Variants in MAST4 observed in about 807,000 individuals in gnomAD.
MAST4 encodes microtubule-associated serine/threonine-protein kinase 4.
MAST4 carries 89 observed loss-of-function variants against 162.7 expected under a neutral mutation model. That is an observed-to-expected ratio of 0.55 (90% CI 0.46 to 0.65). The LOEUF is 0.65. Ranked by LOEUF, MAST4 falls within the 30% of genes least tolerant of loss-of-function variation. The pLI is 0.00. For missense variants in MAST4, 3,153 were observed against 3,374.0 expected, an observed-to-expected ratio of 0.93 and a Z score of 1.62; for synonymous variants, 1,479 against 1,361.1, an observed-to-expected ratio of 1.09 and a Z score of -1.91.
chr5:66,932,316 T>G lies in MAST4; in HGVS notation c.674+32334T>G, dbSNP rs190884924. ...TGGCTTGTTTTATCTTCTAGTTTAC[T>G]TACTCAAACAGTAAATTCATAAGAT... is the stretch of plus-strand genomic sequence containing the variant. On this transcript the variant is annotated intron_variant, in intron 4 of 28. Coordinates refer to ENST00000403625, the MANE Select transcript of MAST4 (RefSeq NM_001164664.2). 7.2e-5 allele frequency among the ~76,000 whole-genome samples: 11 copies of G among 152,310 alleles called. No individual in the cohort carries two copies. In the East Asian group the frequency reaches 2.1e-3, roughly 29 times the overall value.
At chr5:66,910,741 C>CTTTGTTTTTTTTTTTTTTTTTTTTTTTT (rs1763690763) in intron 4 of MAST4, among the ~76,000 whole-genome samples, 4 of 20,102 alleles carry the variant, frequency 2.0e-4, no homozygotes, top group South Asian at 2.8e-3. Flanking sequence ...TTTTTTTTTT[C>CTTTGTTTTTTTTTTTTTTTTTTTTTTTT]TTTTTTTTTT....
chr5:67,144,631 T>C lies in MAST4; in HGVS notation c.2731-38T>C, dbSNP rs1225332225. On this transcript the variant is annotated intron_variant, in intron 21 of 28. Transcript: ENST00000403625. ...GAGTGTTTTTCTGACAAACTCTTTT[T>C]AGTAGATATTAATAAGCACCAATTA... The C allele has an allele frequency of 6.9e-6, 11 of 1,602,442 alleles. 1 individual carries two copies. In the Admixed American group the frequency reaches 1.0e-4, roughly 15 times the overall value.
intron 1 of MAST4, among the ~76,000 whole-genome samples, chr5:66,754,623 T>C (rs920405537): frequency 6.6e-6 from 1 of 152,234 alleles, no homozygotes; most frequent in Non-Finnish European, 1.5e-5. Flanking sequence ...TTACAGGTGC[T>C]TTTTATGTAG....
intron 25 of MAST4, 126 bp from the exon 26 acceptor site, chr5:67,153,332 C>A: frequency 3.2e-6 from 3 of 949,602 alleles, no homozygotes; most frequent in Non-Finnish European, 4.4e-6. Flanking sequence ...AGTAAACGTA[C>A]CTGTTAGATT....
At chr5:66,731,930 G>A (rs973093250) in intron 1 of MAST4, among the ~76,000 whole-genome samples, 1 of 151,962 alleles carries the variant, frequency 6.6e-6, no homozygotes, top group African/African-American at 2.4e-5. Context: ...CTGTGACTCT[G>A]TCCTCCTTCA....
At chr5:66,785,038 C>T (rs1169047902) in intron 2 of MAST4, among the ~76,000 whole-genome samples, 3 of 152,070 alleles carry the variant, frequency 2.0e-5, no homozygotes, top group African/African-American at 7.2e-5. Flanking sequence ...GAGATTGTGC[C>T]ATTGTACAAC....
intron 3 of MAST4, among the ~76,000 whole-genome samples, chr5:66,873,023 C>T (rs1288763539): frequency 2.0e-5 from 3 of 152,136 alleles, no homozygotes; most frequent in Admixed American, 6.5e-5. Flanking sequence ...TGGTGAGAGT[C>T]TTTTTGCTGT....
At chr5:66,905,596 G>A (rs1763305743) in intron 4 of MAST4, among the ~76,000 whole-genome samples, 2 of 152,154 alleles carry the variant, frequency 1.3e-5, no homozygotes, top group African/African-American at 4.8e-5. Flanking sequence ...CAATATGAGC[G>A]ACCAAGGCCT....
intron 1 of MAST4, among the ~76,000 whole-genome samples, chr5:66,733,163 A>G (rs1270982871): frequency 1.3e-5 from 2 of 152,174 alleles, no homozygotes; most frequent in South Asian, 2.1e-4. Context: ...TGCCTATGAA[A>G]TACAGGCATT....
chr5:66,693,074 C>A (rs1222012163), intron 1 of MAST4, among the ~76,000 whole-genome samples: 4 of 145,116 alleles, frequency 2.8e-5, no homozygotes, highest in African/African-American at 1.0e-4. Context: ...CAAAATTTTA[C>A]AAGATAGTTT....
chr5:67,138,480 C>T (rs1223688041), intron 19 of MAST4, among the ~76,000 whole-genome samples: 1 of 152,044 alleles, frequency 6.6e-6, no homozygotes, highest in Middle Eastern at 3.4e-3. Flanking sequence ...GTCACCCAGG[C>T]TGGAGTGCAG....
intron 3 of MAST4, among the ~76,000 whole-genome samples, chr5:66,811,772 A>G (rs990352141): frequency 6.6e-6 from 1 of 152,192 alleles, no homozygotes; most frequent in Non-Finnish European, 1.5e-5. Flanking sequence ...CTCTCAAACG[A>G]TGAAGGCATT....
chr5:66,723,578 G>T (rs111307924), intron 1 of MAST4, among the ~76,000 whole-genome samples: 1 of 152,034 alleles, frequency 6.6e-6, no homozygotes, highest in Non-Finnish European at 1.5e-5. Context: ...ATCACATATC[G>T]AGATGAGAAG....
chr5:66,709,517 A>C (rs529333801), intron 1 of MAST4, among the ~76,000 whole-genome samples: 499 of 141,532 alleles, frequency 3.5e-3, no homozygotes, highest in Non-Finnish European at 5.5e-3. Context: ...GAGTCTTGCT[A>C]TGTTGTCCAG....
intron 1 of MAST4, chr5:66,738,218 A>T (rs1752263983): frequency 6.6e-6 from 1 of 152,264 alleles, no homozygotes; most frequent in Admixed American, 6.5e-5. Context: ...CTGACAGAGC[A>T]GCCCCCATTT....
chr5:66,887,534 C>T (rs1053963104), intron 3 of MAST4, among the ~76,000 whole-genome samples: 10 of 152,192 alleles, frequency 6.6e-5, no homozygotes, highest in Non-Finnish European at 8.8e-5. Flanking sequence ...CCAGGGCTGG[C>T]GCCATATGGA....
intron 1 of MAST4, among the ~76,000 whole-genome samples, chr5:66,687,636 TTATCTATCTATCTATCTATC>T (rs34407559): frequency 5.4e-5 from 8 of 149,532 alleles, no homozygotes; most frequent in African/African-American, 9.8e-5. Flanking sequence ...GTGTGTGTGT[TTATCTATCTATCTATCTATC>T]TATCTATCTA....
At chr5:66,911,456 C>A (rs1013448782) in intron 4 of MAST4, among the ~76,000 whole-genome samples, 12 of 150,368 alleles carry the variant, frequency 8.0e-5, no homozygotes, top group African/African-American at 2.9e-4. Context: ...AATGCCAGCA[C>A]TTGGAGAGGC....
intron 3 of MAST4, among the ~76,000 whole-genome samples, chr5:66,823,215 G>T (rs1757078213): frequency 6.6e-6 from 1 of 152,180 alleles, no homozygotes; most frequent in African/African-American, 2.4e-5. Flanking sequence ...ATGCTGAACT[G>T]TGAGTCAATT....
Sources: gnomAD v4.1 joint callset for allele counts (sites outside exome capture counted in the v4.1 genomes callset) on GRCh38, gnomAD v4.1.1 for gene constraint, MANE v1.5 for transcripts, NCBI Gene and HGNC (gene_info 2026-07-23, HGNC 2026-07-21) for gene names.